Variants in PALLD observed in about 807,000 individuals in gnomAD.
PALLD encodes the protein palladin, cytoskeletal associated protein.
Under a neutral mutation model 123.5 loss-of-function variants are expected in PALLD, and 61 were observed. The ratio of observed to expected loss-of-function variants is 0.49; its 90% CI spans 0.40 to 0.61. The LOEUF (loss-of-function observed/expected upper bound fraction) is 0.61. PALLD is among the 20% of genes least tolerant of loss of function. PALLD has a pLI of 0.00. For missense variants in PALLD, 1,273 were observed against 1,377.0 expected (o/e 0.92, Z 1.20); for synonymous variants, 465 against 496.4 (o/e 0.94, Z 0.84).
intron 10 of PALLD, among the ~76,000 whole-genome samples, chr4:168,875,663 C>T (rs570431826): frequency 6.6e-6 from 1 of 152,180 alleles, no homozygotes; most frequent in East Asian, 1.9e-4. Context: ...TGAAATGCTA[C>T]GTTAATAATT....
At chr4:168,904,180 G>C (rs1757137013) in intron 15 of PALLD, 1 of 428,210 alleles carries the variant, frequency 2.3e-6, no homozygotes. Context: ...TGGGGTTGCA[G>C]TGGTAGACTG....
In PALLD at chr4:168,867,069, C is replaced by T. The variant is rs192029851; in HGVS notation, c.1965-23853C>T. 3.9e-5 allele frequency among the ~76,000 whole-genome samples: 6 copies of T among 152,312 alleles called. No individual in the cohort carries two copies. The South Asian group carries it at 6.2e-4, about 16-fold the overall frequency. On this transcript the variant is annotated intron_variant, in intron 10 of 21. Transcript: ENST00000505667. ...AGCCAGAGCTCCTCAGTTTAAATCC[C>T]GTCTCCACTTCTTTCCAGCTGCATA...
At chr4:168,711,494 G>A in intron 9 of PALLD, 87 bp from the exon 10 acceptor site, 1 of 956,408 alleles carries the variant, frequency 1.0e-6, no homozygotes, top group South Asian at 1.3e-5. Flanking sequence ...CACAACACAG[G>A]GATTCTCAGA....
At chr4:168,727,041 G>C (rs1786659348) in intron 10 of PALLD, among the ~76,000 whole-genome samples, 1 of 152,140 alleles carries the variant, frequency 6.6e-6, no homozygotes, top group Non-Finnish European at 1.5e-5. Context: ...CCACATTACT[G>C]CAAAGTACAT....
At chr4:168,816,984 G>A (rs867124490) in intron 10 of PALLD, among the ~76,000 whole-genome samples, 6 of 152,144 alleles carry the variant, frequency 3.9e-5, no homozygotes, top group Middle Eastern at 3.4e-3. Context: ...GGAAGTGAGT[G>A]CTGAAGTATT....
intron 2 of PALLD, among the ~76,000 whole-genome samples, chr4:168,570,527 C>G (rs1768870733): frequency 6.6e-6 from 1 of 152,154 alleles, no homozygotes; most frequent in African/African-American, 2.4e-5. Flanking sequence ...GCTCTGTGGA[C>G]TTAAAGCTAA....
At chr4:168,874,621 A>T (rs905732664) in intron 10 of PALLD, among the ~76,000 whole-genome samples, 1 of 150,270 alleles carries the variant, frequency 6.7e-6, no homozygotes, top group Non-Finnish European at 1.5e-5. Context: ...AAGTGAATAA[A>T]GTCCTCAGAA....
chr4:168,594,752 A>T (rs1771811526), intron 2 of PALLD, among the ~76,000 whole-genome samples: 1 of 152,164 alleles, frequency 6.6e-6, no homozygotes, highest in Non-Finnish European at 1.5e-5. Context: ...GTCTGCCAGT[A>T]ATGCCTTACA....
intron 2 of PALLD, among the ~76,000 whole-genome samples, chr4:168,532,043 G>A (rs1306536316): frequency 6.6e-6 from 1 of 152,130 alleles, no homozygotes; most frequent in Admixed American, 6.5e-5. Context: ...CAGGTATTAA[G>A]CCTAGTACCC....
intron 2 of PALLD, among the ~76,000 whole-genome samples, chr4:168,645,853 G>A (rs1777396025): frequency 6.6e-6 from 1 of 152,092 alleles, no homozygotes; most frequent in South Asian, 2.1e-4. Flanking sequence ...GGCCCCATTA[G>A]CACCGTTCTC....
intron 2 of PALLD, among the ~76,000 whole-genome samples, chr4:168,513,204 G>A (rs1170080208): frequency 2.6e-5 from 4 of 152,074 alleles, no homozygotes; most frequent in Non-Finnish European, 2.9e-5. Context: ...CCTTCAATGT[G>A]ATGCAAAGAA....
intron 10 of PALLD, among the ~76,000 whole-genome samples, chr4:168,794,414 T>C (rs1738103441): frequency 6.6e-6 from 1 of 151,598 alleles, no homozygotes; most frequent in Non-Finnish European, 1.5e-5. Context: ...ACAACACACA[T>C]GCGCACACGC....
intron 10 of PALLD, among the ~76,000 whole-genome samples, chr4:168,768,937 G>A (rs1443974057): frequency 3.4e-5 from 4 of 118,120 alleles, no homozygotes; most frequent in Non-Finnish European, 7.4e-5. Context: ...CAAGCAATTC[G>A]CATGCCACAG....
intron 11 of PALLD, among the ~76,000 whole-genome samples, chr4:168,891,896 C>T (rs931948492): frequency 6.6e-6 from 1 of 152,090 alleles, no homozygotes; most frequent in African/African-American, 2.4e-5. Flanking sequence ...GTTCTTTTCT[C>T]CCAGACTACT....
intron 10 of PALLD, among the ~76,000 whole-genome samples, chr4:168,786,729 A>G (rs1260306111): frequency 1.3e-5 from 2 of 152,248 alleles, no homozygotes; most frequent in African/African-American, 4.8e-5. Context: ...ATATACTATG[A>G]AGTACAATTG....
intron 10 of PALLD, among the ~76,000 whole-genome samples, chr4:168,847,949 C>G (rs1002262423): frequency 1.3e-5 from 2 of 152,178 alleles, no homozygotes; most frequent in African/African-American, 4.8e-5. Context: ...CTAATTCTGA[C>G]ACTCTATTTC....
intron 10 of PALLD, among the ~76,000 whole-genome samples, chr4:168,821,996 G>A (rs1742792169): frequency 6.6e-6 from 1 of 151,460 alleles, no homozygotes; most frequent in Non-Finnish European, 1.5e-5. Context: ...GTTGCTGAAA[G>A]TTCTGTGCCA....
intron 15 of PALLD, among the ~76,000 whole-genome samples, chr4:168,905,507 A>G (rs1050623148): frequency 1.3e-5 from 2 of 152,024 alleles, no homozygotes; most frequent in African/African-American, 2.4e-5. Flanking sequence ...ATTATATTCT[A>G]ATATTCCATG....
intron 10 of PALLD, among the ~76,000 whole-genome samples, chr4:168,783,265 G>T (rs1259105764): frequency 6.6e-6 from 1 of 152,116 alleles, no homozygotes; most frequent in Admixed American, 6.5e-5. Flanking sequence ...ATTAAAGGAA[G>T]ATTTTAAAAC....
Sources: gnomAD v4.1 joint callset for allele counts (sites outside exome capture counted in the v4.1 genomes callset) on GRCh38, gnomAD v4.1.1 for gene constraint, MANE v1.5 for transcripts, NCBI Gene and HGNC (gene_info 2026-07-23, HGNC 2026-07-21) for gene names.